ARPC4: variants seen among roughly 807,000 people sequenced by gnomAD.
ARPC4 encodes the protein actin related protein 2/3 complex subunit 4.
Under a neutral mutation model 22.8 loss-of-function variants are expected in ARPC4, and 3 were observed. The ratio of observed to expected loss-of-function variants is 0.13; its 90% confidence interval spans 0.06 to 0.34. The LOEUF (loss-of-function observed/expected upper bound fraction) is 0.34, where lower values mean the gene tolerates loss of function less well. ARPC4 is among the 10% of genes least tolerant of loss of function. The pLI is 1.00. For synonymous variants in ARPC4, 80 were observed against 72.5 expected (o/e 1.10, Z -0.52); for missense variants, 98 against 211.0 (o/e 0.46, Z 3.32).
intron 4 of ARPC4, among the ~76,000 whole-genome samples, chr3:9,802,237 C>CA (rs1159841703): frequency 0.062 from 3,073 of 49,622 alleles, 104 homozygotes; most frequent in Admixed American, 0.13. Context: ...GACTCCGTCT[C>CA]AAAAAAAAAA....
chr3:9,797,340 G>A (rs2078917420), intron 1 of ARPC4, among the ~76,000 whole-genome samples: 1 of 151,000 alleles, frequency 6.6e-6, no homozygotes, highest in African/African-American at 2.5e-5. Context: ...CTGAATGCCT[G>A]CAGTTCCCCT....
At chr3:9,802,596 C>T (rs1451307503) in intron 4 of ARPC4, among the ~76,000 whole-genome samples, 4 of 150,914 alleles carry the variant, frequency 2.7e-5, no homozygotes, top group African/African-American at 9.8e-5. Context: ...AGGATGGTCT[C>T]GATCTCCTGA....
chr3:9,797,801 G>C (rs1217860168), intron 2 of ARPC4, 24 bp downstream of exon 2: 3 of 1,609,398 alleles, frequency 1.9e-6, no homozygotes, highest in African/African-American at 2.7e-5. Flanking sequence ...AGTCAAGGTG[G>C]GGATGAGGGG....
chr3:9,792,814 T>C (rs1217942337), upstream of ARPC4: 10 of 1,352,450 alleles, frequency 7.4e-6, no homozygotes, highest in Admixed American at 3.7e-5. Flanking sequence ...GGCTGTACCA[T>C]TGCATACCTG....
intron 2 of ARPC4, among the ~76,000 whole-genome samples, chr3:9,799,520 G>C (rs1318140822): frequency 6.6e-6 from 1 of 151,082 alleles, no homozygotes; most frequent in Non-Finnish European, 1.5e-5. Context: ...TTGGCTCACT[G>C]CAACTGCCAC....
intron 2 of ARPC4, among the ~76,000 whole-genome samples, chr3:9,798,638 G>C (rs1409698415): frequency 1.3e-5 from 2 of 152,122 alleles, no homozygotes; most frequent in Non-Finnish European, 2.9e-5. Context: ...CACTTTGGGA[G>C]GCCGAGGCAG....
At position 9,797,898 on chromosome 3, in the gene ARPC4, C is replaced by T. The variant is rs2078928945; in HGVS notation, c.122+121C>T. The T allele has an allele frequency of 4.7e-6, 5 of 1,064,152 alleles. No individual in the cohort carries two copies. In the East Asian group the frequency reaches 1.1e-4, roughly 22 times the overall value. 65.9% of individuals were successfully genotyped at this position (1,064,152 alleles called of 1,614,324 possible). A position where few individuals can be genotyped will look rare whatever the true frequency, so the allele number is the denominator to read the frequency against. ...AGGAAAGCTGCAGTTGACATTTTGT[C>T]TTGCTGCCAGCTGAATGGTGATTCC... On this transcript the variant is annotated intron_variant, in intron 2 of 5. Coordinates refer to ENST00000397261, the MANE Select transcript of ARPC4 (RefSeq NM_005718.5).
Position 9,803,906 on chromosome 3 carries a change from G to A in ARPC4, c.394G>A (p.Val132Met). 1 of 1,614,224 alleles carries A rather than the reference G, an allele frequency of 6.2e-7. No individual in the cohort carries two copies. Among genetic ancestry groups the A allele is most frequent in the Non-Finnish European group, 8.5e-7 (1 of 1,180,030 alleles). The part of the protein sequence containing the change: ...HTEQMYKHKL[V>M]DFVIHFMEEI... ...AGAGCAGATGTACAAACACAAGTTG[G>A]TGGACTTTGTGATCCACTTCATGGA... Residue 132 changes from valine to methionine, a missense_variant, in exon 5 of 6, where the codon GTG becomes ATG. By Grantham distance (21) the Val-to-Met change is conservative. Coordinates refer to ENST00000397261, the MANE Select transcript of ARPC4 (RefSeq NM_005718.5).
intron 4 of ARPC4, among the ~76,000 whole-genome samples, chr3:9,802,237 C>CAAAAAA (rs1159841703): frequency 2.0e-5 from 1 of 50,274 alleles, no homozygotes. Flanking sequence ...GACTCCGTCT[C>CAAAAAA]AAAAAAAAAA....
chr3:9,793,081 C>T (rs1327566769), upstream of ARPC4: 2 of 1,545,772 alleles, frequency 1.3e-6, no homozygotes, highest in Admixed American at 2.0e-5. Flanking sequence ...CGGGGCTGGC[C>T]ACTTCCGTAC....
At chr3:9,805,073 G>A (rs1349341370) in intron 5 of ARPC4, among the ~76,000 whole-genome samples, 1 of 152,154 alleles carries the variant, frequency 6.6e-6, no homozygotes, top group Non-Finnish European at 1.5e-5. Context: ...TCCGTGTATT[G>A]CACCACCAAA....
chr3:9,802,477 G>A (rs813082), intron 4 of ARPC4, among the ~76,000 whole-genome samples: 14 of 149,180 alleles, frequency 9.4e-5, no homozygotes, highest in African/African-American at 2.7e-4. Context: ...CCGGGTTCAC[G>A]CCATTCTCCT....
chr3:9,795,201 TG>T lies in ARPC4; in HGVS notation c.3+2078del, dbSNP rs1445991862. On this transcript the variant is annotated intron_variant, in intron 1 of 5. Coordinates refer to ENST00000397261, the MANE Select transcript of ARPC4 (RefSeq NM_005718.5). The stretch of plus-strand genomic sequence containing the variant: ...TTTTAGTAGAGACGGGGTTTTGCCA[TG>T]TTGGCCAGGCTGGTCTTGAACTCCT... Among the ~76,000 whole-genome samples, 5 of 152,154 alleles carry T rather than the reference TG, an allele frequency of 3.3e-5. No individual in the cohort carries two copies. The South Asian group carries it at 8.3e-4, about 25-fold the overall frequency.
At chr3:9,792,980 G>A (rs752262374), upstream of ARPC4, 8 of 1,432,666 alleles carry the variant, frequency 5.6e-6, no homozygotes, top group Middle Eastern at 1.9e-4. Flanking sequence ...GCGTTCGTAA[G>A]GGCTCTCTAC....
rs1158594126 is a variant in ARPC4, at chr3:9,796,093, C to CT, written c.4-1565dup. 2.6e-5 allele frequency among the ~76,000 whole-genome samples: 4 copies of CT among 151,374 alleles called. 1 individual carries two copies. The highest frequency in any genetic ancestry group is 9.7e-5 in the African/African-American group (4 of 41,254). On this transcript the variant is annotated intron_variant, in intron 1 of 5. Coordinates refer to ENST00000397261, the MANE Select transcript of ARPC4 (RefSeq NM_005718.5). The stretch of plus-strand genomic sequence containing the variant: ...CCTGGACAACAGAGTAAGACTCTGT[C>CT]TCAAAAAAAAATAAAAAAGGCCAGG...
chr3:9,802,237 CAAAAA>C (rs1159841703), intron 4 of ARPC4, among the ~76,000 whole-genome samples: 9 of 50,280 alleles, frequency 1.8e-4, no homozygotes, highest in Admixed American at 9.5e-4. Context: ...GACTCCGTCT[CAAAAA>C]AAAAAAAAAA....
intron 3 of ARPC4, among the ~76,000 whole-genome samples, chr3:9,800,523 C>G (rs144087026): frequency 2.6e-3 from 394 of 152,250 alleles, no homozygotes; most frequent in African/African-American, 9.1e-3. Context: ...CTCCCGGGTT[C>G]AAGCAGTTCT....
chr3:9,793,159 G>T (rs1346733286), intron 1 of ARPC4, 35 bp downstream of exon 1: 2 of 1,536,672 alleles, frequency 1.3e-6, no homozygotes, highest in East Asian at 5.0e-5. Flanking sequence ...GGGACCCCCG[G>T]CTGTTCGGCC....
chr3:9,792,694 C>T (rs2078769331), upstream of ARPC4: 2 of 1,233,528 alleles, frequency 1.6e-6, no homozygotes, highest in Non-Finnish European at 2.0e-6. Flanking sequence ...CGCCGAGCGC[C>T]AGGAGCTGCG....
Sources: allele counts gnomAD v4.1 joint callset (sites outside exome capture counted in the v4.1 genomes callset), GRCh38; gene constraint gnomAD v4.1.1; transcripts MANE v1.5; gene names NCBI Gene and HGNC (gene_info 2026-07-23, HGNC 2026-07-21).